AGBL2: variants seen among roughly 807,000 people sequenced by gnomAD.
AGBL2 encodes cytosolic carboxypeptidase 2.
In AGBL2, 87 loss-of-function variants were observed where a neutral mutation model predicts 103.0. That is an observed-to-expected ratio of 0.84 (90% CI 0.71 to 1.01). AGBL2 has a LOEUF of 1.01. AGBL2 is among the 50% of genes least tolerant of loss of function. The probability of loss-of-function intolerance (pLI) is 0.00; values close to 1 mark genes in which losing one functional copy is unlikely to be tolerated. For synonymous variants in AGBL2, 335 were observed against 356.7 expected (o/e 0.94, Z 0.69); for missense variants, 904 against 1,023.5 (o/e 0.88, Z 1.59).
At chr11:47,706,448 G>A (rs558994568) in intron 4 of AGBL2, among the ~76,000 whole-genome samples, 123 of 152,266 alleles carry the variant, frequency 8.1e-4, no homozygotes, top group African/African-American at 2.6e-3. Flanking sequence ...CCCGGGAGGC[G>A]GAGCTTGCGG....
At chr11:47,702,536 A>G (rs1009184764) in intron 7 of AGBL2, among the ~76,000 whole-genome samples, 2 of 152,332 alleles carry the variant, frequency 1.3e-5, no homozygotes, top group South Asian at 4.1e-4. Context: ...TACTTAGCAT[A>G]TAACAACACA....
Position 47,660,193 on chromosome 11 carries a change from G to T in AGBL2, c.2689C>A (p.His897Asn). 1 of 1,614,006 alleles carries T rather than the reference G, an allele frequency of 6.2e-7. No individual in the cohort carries two copies. Among genetic ancestry groups the T allele is most frequent in the Non-Finnish European group, 8.5e-7 (1 of 1,179,996 alleles). ...CTCACCTACGGGTATGTGTATATGT[G>T]CAAGGATGGGTATGCCGCCATGGCA... ...CAAMAAYPSL[H>N]IYTYP The change falls in exon 19 of 19, where the codon CAC becomes AAC. Residue 897 changes from histidine to asparagine, a missense_variant. Physicochemically the swap from His to Asn is moderately conservative, Grantham distance 68 (BLOSUM62 1). Coordinates refer to ENST00000525123, the MANE Select transcript of AGBL2 (RefSeq NM_024783.4).
intron 16 of AGBL2, 104 bp downstream of exon 16, chr11:47,667,466 CT>C: frequency 1.5e-5 from 20 of 1,366,772 alleles, no homozygotes; most frequent in Non-Finnish European, 2.0e-5. Context: ...CTGCCCCAAT[CT>C]CCATCCCCTT....
At chr11:47,676,052 T>C (rs945703737) in intron 14 of AGBL2, among the ~76,000 whole-genome samples, 3 of 152,010 alleles carry the variant, frequency 2.0e-5, no homozygotes, top group Admixed American at 2.0e-4. Flanking sequence ...ATTGGTCCAC[T>C]GGACCTCTCC....
At chr11:47,694,348 C>T (rs1343939979) in intron 8 of AGBL2, among the ~76,000 whole-genome samples, 1 of 152,086 alleles carries the variant, frequency 6.6e-6, no homozygotes, top group Non-Finnish European at 1.5e-5. Flanking sequence ...TTTAGTTGCA[C>T]AGAGCCCAAC....
At chr11:47,695,929 C>T (rs1465736510) in intron 8 of AGBL2, among the ~76,000 whole-genome samples, 39 of 136,082 alleles carry the variant, frequency 2.9e-4, no homozygotes, top group Non-Finnish European at 4.6e-5. Flanking sequence ...CTGTGGGAGG[C>T]GGAGGCAGGT....
intron 8 of AGBL2, among the ~76,000 whole-genome samples, chr11:47,699,061 C>G (rs1486302299): frequency 2.0e-5 from 3 of 151,136 alleles, no homozygotes; most frequent in African/African-American, 7.3e-5. Context: ...TCCTTAGAAG[C>G]TTAAAACTCA....
rs2097469861 is a variant in AGBL2 at position 47,696,022 on chromosome 11, AAAAAAAAAAAAAAAG to A, written c.694+3409_694+3423del. ...TGTACTAAAAATACAAAAAAAAAAA[AAAAAAAAAAAAAAAG>A]AAAAAAAAAAATTAGCTGGGCGTGG... On this transcript the variant is annotated intron_variant, in intron 8 of 18. Transcript: ENST00000525123. 2.2e-4 allele frequency among the ~76,000 whole-genome samples: 7 copies of A among 32,018 alleles called. 1 individual carries two copies. The highest frequency in any genetic ancestry group is 1.7e-3 in the South Asian group (1 of 600). 21.0% of individuals were successfully genotyped at this position (32,018 alleles called of 152,430 possible). A position where few individuals can be genotyped will look rare whatever the true frequency, so the allele number is the denominator to read the frequency against.
At chr11:47,689,123 T>G (rs1456109044) in intron 10 of AGBL2, among the ~76,000 whole-genome samples, 1 of 152,152 alleles carries the variant, frequency 6.6e-6, no homozygotes, top group Admixed American at 6.6e-5. Flanking sequence ...CTTCAATGCT[T>G]TTATACAGGC....
At chr11:47,693,319 G>T (rs888938037) in intron 8 of AGBL2, among the ~76,000 whole-genome samples, 1 of 152,056 alleles carries the variant, frequency 6.6e-6, no homozygotes, top group African/African-American at 2.4e-5. Flanking sequence ...GCACCACCCT[G>T]CCCGGCTCAT....
chr11:47,667,181 T>C (rs934510020), intron 16 of AGBL2, 118 bp from the exon 17 acceptor site: 2 of 699,342 alleles, frequency 2.9e-6, no homozygotes, highest in African/African-American at 3.6e-5. Context: ...GCAGAGGGTA[T>C]GGTGGGAGTG....
chr11:47,694,969 T>A (rs113278822), intron 8 of AGBL2, among the ~76,000 whole-genome samples: 2,544 of 150,854 alleles, frequency 0.017, 46 homozygotes, highest in African/African-American at 0.047. Context: ...GCCAACATGG[T>A]GAAACCCAGT....
rs1276613987 is a variant in AGBL2, at chr11:47,677,260, T to A, written c.2147+11A>T. 1.3e-6 allele frequency: 2 copies of A among 1,584,114 alleles called. No individual in the cohort carries two copies. Among genetic ancestry groups the A allele is most frequent in the Non-Finnish European group, 1.7e-6 (2 of 1,169,496 alleles). Reference sequence around the variant, plus strand: ...TTAAAAAAAAACAAAACTCTGTTTTTTCTTTGTTACCTGGATTCAATGTCA... The same window carrying A: ...TTAAAAAAAAACAAAACTCTGTTTTATCTTTGTTACCTGGATTCAATGTCA... On this transcript the variant is annotated intron_variant, in intron 14 of 18. Transcript: ENST00000525123.
intron 3 of AGBL2, among the ~76,000 whole-genome samples, chr11:47,713,805 G>T (rs544670414): frequency 6.6e-6 from 1 of 151,764 alleles, no homozygotes; most frequent in Non-Finnish European, 1.5e-5. Flanking sequence ...TAGCCAGGAT[G>T]GTCTCGATCT....
At chr11:47,703,897 C>T (rs947790497) in intron 7 of AGBL2, among the ~76,000 whole-genome samples, 12 of 148,760 alleles carry the variant, frequency 8.1e-5, no homozygotes, top group African/African-American at 2.7e-4. Context: ...TGCACTCCAG[C>T]CTGGGCAACA....
At chr11:47,675,994 C>T (rs917361932) in intron 14 of AGBL2, among the ~76,000 whole-genome samples, 17 of 151,844 alleles carry the variant, frequency 1.1e-4, no homozygotes, top group African/African-American at 3.9e-4. Context: ...TGGAGAGCAA[C>T]ACCCTGTCTC....
At position 47,691,710 on chromosome 11, in the gene AGBL2, G is replaced by GAA. The variant is rs1225683970; in HGVS notation, c.848+391_848+392dup. Among the ~76,000 whole-genome samples the GAA allele has an allele frequency of 4.5e-3, 6 of 1,330 alleles. 2 individuals carry two copies. The highest frequency in any genetic ancestry group is 4.7e-3 in the African/African-American group (4 of 852). 0.9% of individuals were successfully genotyped at this position (1,330 alleles called of 152,430 possible). ...GCAACAGAGAGAGACTCCATCTCAA[G>GAA]AAAAAAAAAAAAAAAAAAAATATAT... On this transcript the variant is annotated intron_variant, in intron 9 of 18. Transcript: ENST00000525123.
At chr11:47,695,439 C>T (rs886654219) in intron 8 of AGBL2, among the ~76,000 whole-genome samples, 10 of 145,648 alleles carry the variant, frequency 6.9e-5, no homozygotes, top group Admixed American at 2.1e-4. Context: ...CACACCACTG[C>T]ACTCCAGCCT....
intron 13 of AGBL2, among the ~76,000 whole-genome samples, chr11:47,678,323 T>A (rs1598945869): frequency 1.5e-5 from 2 of 134,334 alleles, no homozygotes; most frequent in Non-Finnish European, 3.3e-5. Context: ...TTATTTTATT[T>A]TATTTTATTT....
Sources: gnomAD v4.1 joint callset for allele counts (sites outside exome capture counted in the v4.1 genomes callset) on GRCh38, gnomAD v4.1.1 for gene constraint, MANE v1.5 for transcripts, NCBI Gene and HGNC (gene_info 2026-07-23, HGNC 2026-07-21) for gene names.